Variants in PLCXD3 observed in about 807,000 individuals in gnomAD.
The protein encoded by PLCXD3 is PI-PLC X domain-containing protein 3.
Under a neutral mutation model 25.5 loss-of-function variants are expected in PLCXD3, and 19 were observed. The ratio of observed to expected loss-of-function variants is 0.75; its 90% CI spans 0.52 to 1.09. The LOEUF is 1.09. Among genes scored for constraint, PLCXD3 ranks in the 50% least tolerant of loss-of-function variants. PLCXD3 has a pLI of 0.00. For synonymous variants in PLCXD3, 174 were observed against 137.6 expected (o/e 1.26, Z -1.85); for missense variants, 411 against 388.1 (o/e 1.06, Z -0.50).
chr5:41,385,939 C>G (rs1196732415), intron 1 of PLCXD3, among the ~76,000 whole-genome samples: 1 of 152,090 alleles, frequency 6.6e-6, no homozygotes, highest in Non-Finnish European at 1.5e-5. Context: ...ATCTTGATTG[C>G]AGCCCTGTGA....
chr5:41,453,419 C>A (rs1747682006), intron 1 of PLCXD3, among the ~76,000 whole-genome samples: 1 of 150,944 alleles, frequency 6.6e-6, no homozygotes, highest in Admixed American at 6.6e-5. Flanking sequence ...TTTCATAGGC[C>A]TTCATTCAGC....
intron 1 of PLCXD3, among the ~76,000 whole-genome samples, chr5:41,399,702 A>G (rs949810773): frequency 6.6e-6 from 1 of 152,174 alleles, no homozygotes; most frequent in South Asian, 2.1e-4. Flanking sequence ...TCAAAATTGT[A>G]TTAAAGACTT....
chr5:41,422,871 C>T (rs1746861521), intron 1 of PLCXD3, among the ~76,000 whole-genome samples: 2 of 152,078 alleles, frequency 1.3e-5, no homozygotes, highest in African/African-American at 4.8e-5. Flanking sequence ...TAAAAACAGG[C>T]ATCTTTGCCT....
chr5:41,473,874 G>A (rs1256709983), intron 1 of PLCXD3, among the ~76,000 whole-genome samples: 1 of 152,112 alleles, frequency 6.6e-6, no homozygotes, highest in Non-Finnish European at 1.5e-5. Flanking sequence ...AATGACTTGG[G>A]TTCCCCTCCC....
chr5:41,493,705 A>C (rs1451483042), intron 1 of PLCXD3, among the ~76,000 whole-genome samples: 2 of 152,200 alleles, frequency 1.3e-5, no homozygotes, highest in Non-Finnish European at 2.9e-5. Flanking sequence ...GCTAGCAATC[A>C]GCGAGACTCC....
intron 1 of PLCXD3, among the ~76,000 whole-genome samples, chr5:41,447,699 G>A (rs1279525913): frequency 6.6e-6 from 1 of 152,226 alleles, no homozygotes; most frequent in Non-Finnish European, 1.5e-5. Flanking sequence ...CAGAGCAGGA[G>A]GAGGAAGCCA....
At chr5:41,388,558 G>C (rs1745711639) in intron 1 of PLCXD3, among the ~76,000 whole-genome samples, 1 of 151,968 alleles carries the variant, frequency 6.6e-6, no homozygotes, top group Non-Finnish European at 1.5e-5. Flanking sequence ...TGGTTAAGTA[G>C]ACTTTAGACT....
At chr5:41,321,575 A>G (rs1173202318) in intron 2 of PLCXD3, among the ~76,000 whole-genome samples, 1 of 152,218 alleles carries the variant, frequency 6.6e-6, no homozygotes, top group East Asian at 1.9e-4. Flanking sequence ...AAATAGAAAA[A>G]GCAAACCTAA....
intron 1 of PLCXD3, among the ~76,000 whole-genome samples, chr5:41,422,630 T>C (rs1422108942): frequency 1.3e-5 from 2 of 152,208 alleles, no homozygotes. Context: ...CCTCCCACCT[T>C]CCAACATTAT....
Position 41,382,049 on chromosome 5 carries a change from T to C in PLCXD3, c.589A>G (p.Ser197Gly). The C allele has an allele frequency of 6.2e-7, 1 of 1,613,654 alleles. No homozygotes were observed. The highest frequency in any genetic ancestry group is 2.2e-5 in the East Asian group (1 of 44,824). ...KDYQVLVFYHSPVALEVPFLW... is the reference protein window; with the variant it reads ...KDYQVLVFYHGPVALEVPFLW... The stretch of plus-strand genomic sequence containing the variant: ...AAGGGCACTTCCAGAGCCACTGGAC[T>C]ATGGTAGAAGACCAGCACTTGATAG... Residue 197 changes from serine (S) to glycine (G), a missense_variant, in exon 2 of 3, where the codon AGT becomes GGT. Physicochemically the swap from Ser to Gly is moderately conservative, Grantham distance 56 (BLOSUM62 0). Transcript: ENST00000377801.
At chr5:41,320,299 C>T (rs938998682) in intron 2 of PLCXD3, among the ~76,000 whole-genome samples, 2 of 151,938 alleles carry the variant, frequency 1.3e-5, no homozygotes, top group South Asian at 2.1e-4. Flanking sequence ...CAAAGACACA[C>T]CTAAAAACAA....
chr5:41,464,096 T>C (rs318087), intron 1 of PLCXD3, among the ~76,000 whole-genome samples: 29,092 of 151,942 alleles, frequency 0.19, 3,026 homozygotes, highest in Middle Eastern at 0.26. Flanking sequence ...TCATACCCAC[T>C]ACTGATTATA....
At chr5:41,421,440 G>A (rs747512718) in intron 1 of PLCXD3, among the ~76,000 whole-genome samples, 8 of 152,086 alleles carry the variant, frequency 5.3e-5, no homozygotes, top group Non-Finnish European at 8.8e-5. Context: ...GGTGGCTCAC[G>A]CCTGTAATCC....
chr5:41,484,212 T>A (rs1469813885), intron 1 of PLCXD3, among the ~76,000 whole-genome samples: 1 of 151,684 alleles, frequency 6.6e-6, no homozygotes, highest in African/African-American at 2.4e-5. Flanking sequence ...ATTCTTGTAC[T>A]CATAAAGTCT....
chr5:41,507,932 T>C (rs1749084996), intron 1 of PLCXD3, among the ~76,000 whole-genome samples: 1 of 152,230 alleles, frequency 6.6e-6, no homozygotes, highest in Admixed American at 6.5e-5. Flanking sequence ...TTTGAATATC[T>C]TTTTTTCCTC....
At chr5:41,471,358 G>A (rs1388089432) in intron 1 of PLCXD3, among the ~76,000 whole-genome samples, 1 of 152,176 alleles carries the variant, frequency 6.6e-6, no homozygotes, top group African/African-American at 2.4e-5. Flanking sequence ...TAGTGATAAA[G>A]AGAGTGCAAC....
chr5:41,465,981 CT>C (rs1279930658), intron 1 of PLCXD3, among the ~76,000 whole-genome samples: 1 of 151,986 alleles, frequency 6.6e-6, no homozygotes, highest in African/African-American at 2.4e-5. Flanking sequence ...TCATTTTTAC[CT>C]TTTCTCACTT....
intron 1 of PLCXD3, among the ~76,000 whole-genome samples, chr5:41,471,049 T>C (rs760204552): frequency 4.5e-4 from 69 of 152,128 alleles, no homozygotes; most frequent in Non-Finnish European, 7.8e-4. Context: ...TGATGACTTA[T>C]AGTCAAGGAG....
chr5:41,403,408 T>TTTTTTTTTTTTTA (rs1554047966), intron 1 of PLCXD3, among the ~76,000 whole-genome samples: 3 of 26,228 alleles, frequency 1.1e-4, no homozygotes, highest in Non-Finnish European at 2.8e-4. Context: ...GTTGTTTTTT[T>TTTTTTTTTTTTTA]TTTTTTTTAT....
Sources: gnomAD v4.1 joint callset for allele counts (sites outside exome capture counted in the v4.1 genomes callset) on GRCh38, gnomAD v4.1.1 for gene constraint, MANE v1.5 for transcripts, NCBI Gene and HGNC (gene_info 2026-07-23, HGNC 2026-07-21) for gene names.